The following MAP3K7CL variants were observed in gnomAD, a reference collection of about 807,000 sequenced individuals.
MAP3K7CL encodes the protein MAP3K7 C-terminal like.
Under a neutral mutation model 18.6 loss-of-function variants are expected in MAP3K7CL, and 16 were observed. That is an observed-to-expected ratio of 0.86 (90% CI 0.58 to 1.31). The LOEUF is 1.31. MAP3K7CL is among the 50% of genes most tolerant of loss of function. MAP3K7CL has a pLI of 0.00. For synonymous variants in MAP3K7CL, 65 were observed against 66.8 expected, an observed-to-expected ratio of 0.97 and a Z score of 0.13; for missense variants, 163 against 174.4, an observed-to-expected ratio of 0.93 and a Z score of 0.37.
At chr21:29,154,444 C>A (rs561727358) in intron 3 of MAP3K7CL, among the ~76,000 whole-genome samples, 1 of 151,490 alleles carries the variant, frequency 6.6e-6, no homozygotes, top group African/African-American at 2.4e-5. Flanking sequence ...TCCTTAAAGT[C>A]CTCCTATCTA....
At chr21:29,142,984 T>C (rs1446108210) in intron 2 of MAP3K7CL, among the ~76,000 whole-genome samples, 1 of 152,230 alleles carries the variant, frequency 6.6e-6, no homozygotes, top group Admixed American at 6.5e-5. Context: ...GGAAAGTTTC[T>C]GTATGAGCCT....
At chr21:29,102,639 C>T (rs1182954129) in intron 4 of MAP3K7CL, 2 of 151,980 alleles carry the variant, frequency 1.3e-5, no homozygotes, top group Non-Finnish European at 2.9e-5. Flanking sequence ...ATTCTATGAC[C>T]TTCTTGTTTT....
At position 29,111,241 on chromosome 21, in the gene MAP3K7CL, G is replaced by A. The variant is rs547265257; in HGVS notation, c.370+18660G>A. Among the ~76,000 whole-genome samples, 15 of 151,628 alleles carry A rather than the reference G, an allele frequency of 9.9e-5. No individual in the cohort carries two copies. In the South Asian group the frequency reaches 2.3e-3, roughly 23 times the overall value. ...ACTGCACTCCAGCCTGGGCGACAGA[G>A]CGAGACTCCTTCTCAAAAAAAGAAA... On this transcript the variant is annotated intron_variant, in intron 4 of 6. Transcript: ENST00000286791.
At chr21:29,127,872 A>C (rs373003096), upstream of MAP3K7CL, 26 of 152,350 alleles carry the variant, frequency 1.7e-4, no homozygotes, top group African/African-American at 6.3e-4. Flanking sequence ...GTATCATAGA[A>C]GGCAATATTT....
intron 2 of MAP3K7CL, among the ~76,000 whole-genome samples, chr21:29,148,095 ATG>A (rs2087182821): frequency 6.6e-6 from 1 of 151,862 alleles, no homozygotes; most frequent in South Asian, 2.1e-4. Context: ...TCTATTATAT[ATG>A]TATGTGTAGG....
chr21:29,098,734 C>T (rs897644061), intron 4 of MAP3K7CL, among the ~76,000 whole-genome samples: 1 of 152,210 alleles, frequency 6.6e-6, no homozygotes, highest in Non-Finnish European at 1.5e-5. Context: ...ATGATTTAAA[C>T]AGCCAAGTCC....
chr21:29,112,131 T>C (rs569350217), intron 4 of MAP3K7CL, among the ~76,000 whole-genome samples: 1 of 152,138 alleles, frequency 6.6e-6, no homozygotes, highest in African/African-American at 2.4e-5. Context: ...ACCCCATCTC[T>C]ACTAAAATAC....
upstream of MAP3K7CL, among the ~76,000 whole-genome samples, chr21:29,084,436 T>C (rs1037847828): frequency 2.6e-5 from 4 of 152,332 alleles, no homozygotes; most frequent in African/African-American, 9.6e-5. Flanking sequence ...ATTTTTGTAG[T>C]TGGATTAGTA....
upstream of MAP3K7CL, chr21:29,128,305 A>ATT (rs537659012): frequency 0.031 from 4,515 of 145,388 alleles, 100 homozygotes; most frequent in Middle Eastern, 0.099. Flanking sequence ...TTTCAATTAA[A>ATT]TTTTTTTTTT....
upstream of MAP3K7CL, among the ~76,000 whole-genome samples, chr21:29,125,809 G>C (rs945890343): frequency 1.3e-5 from 2 of 152,200 alleles, no homozygotes; most frequent in African/African-American, 4.8e-5. Context: ...GGGGTCAGGA[G>C]CGGAGGAAGA....
At chr21:29,093,204 G>A (rs1418873757) in intron 4 of MAP3K7CL, among the ~76,000 whole-genome samples, 2 of 152,178 alleles carry the variant, frequency 1.3e-5, no homozygotes, top group East Asian at 3.9e-4. Flanking sequence ...GCACCCAGCT[G>A]ACTATCATAA....
exon 4 of MAP3K7CL, chr21:29,092,501 A>G: frequency 6.2e-7 from 1 of 1,614,260 alleles, no homozygotes; most frequent in Non-Finnish European, 8.5e-7. Flanking sequence ...AAGGTCAGCA[A>G]GTTGGCTACT....
intron 1 of MAP3K7CL, chr21:29,131,382 CTT>C (rs2086777344): frequency 6.6e-6 from 1 of 152,120 alleles, no homozygotes; most frequent in Admixed American, 6.5e-5. Flanking sequence ...AACAGTAAAA[CTT>C]TTCTTTTTAG....
At chr21:29,090,373 T>C (rs1188885234) in intron 1 of MAP3K7CL, among the ~76,000 whole-genome samples, 1 of 152,022 alleles carries the variant, frequency 6.6e-6, no homozygotes, top group Non-Finnish European at 1.5e-5. Context: ...ATTAGCTTCT[T>C]TGTTTTGTTT....
intron 4 of MAP3K7CL, among the ~76,000 whole-genome samples, chr21:29,164,109 A>C (rs952503323): frequency 6.7e-6 from 1 of 148,798 alleles, no homozygotes; most frequent in Non-Finnish European, 1.5e-5. Context: ...AAAAAAAAAA[A>C]ACAAACTGCT....
At chr21:29,156,916 T>A (rs1254441121) in intron 3 of MAP3K7CL, among the ~76,000 whole-genome samples, 2 of 152,136 alleles carry the variant, frequency 1.3e-5, no homozygotes, top group African/African-American at 2.4e-5. Context: ...CTCAACAATG[T>A]TTGGGGTTAC....
intron 4 of MAP3K7CL, among the ~76,000 whole-genome samples, chr21:29,095,240 C>T (rs1466559445): frequency 6.6e-6 from 1 of 151,998 alleles, no homozygotes; most frequent in East Asian, 1.9e-4. Flanking sequence ...TGTCTCTATT[C>T]AGAGGCTGTC....
At position 29,175,734 on chromosome 21, in the gene MAP3K7CL, CA is replaced by C. The variant is rs1315393502; in HGVS notation, c.*843del. On this transcript the variant is annotated 3_prime_UTR_variant, in exon 5 of 5. Coordinates refer to ENST00000399928, the MANE Select transcript of MAP3K7CL (RefSeq NM_001286620.2). ...TTGGATTTAAGGAGATGTTTTAGAT[CA>C]GTAACAGCTAATAGGAATATGCGAG... 6.6e-6 allele frequency: 1 copy of C among 152,208 alleles called. No individual in the cohort carries two copies. Among genetic ancestry groups the C allele is most frequent in the Non-Finnish European group, 1.5e-5 (1 of 68,032 alleles). The allele number at this position is 152,208 out of a possible 1,614,324, so 9.4% of individuals were successfully genotyped here. A position where few individuals can be genotyped will look rare whatever the true frequency, so the allele number is the denominator to read the frequency against.
At chr21:29,143,983 A>G (rs1163835121) in intron 2 of MAP3K7CL, among the ~76,000 whole-genome samples, 2 of 152,302 alleles carry the variant, frequency 1.3e-5, no homozygotes, top group East Asian at 3.9e-4. Flanking sequence ...TGTATGTAAT[A>G]TAATGGCCAC....
Sources: allele counts gnomAD v4.1 joint callset (sites outside exome capture counted in the v4.1 genomes callset), GRCh38; gene constraint gnomAD v4.1.1; transcripts MANE v1.5; gene names NCBI Gene and HGNC (gene_info 2026-07-23, HGNC 2026-07-21).